The following C8orf34 variants were observed in gnomAD, a reference collection of about 807,000 sequenced individuals.
C8orf34 encodes the protein uncharacterized protein C8orf34.
Under a neutral mutation model 68.3 loss-of-function variants are expected in C8orf34, and 65 were observed. That is an observed-to-expected ratio of 0.95 (90% CI 0.78 to 1.17). The LOEUF (loss-of-function observed/expected upper bound fraction) is 1.17, where lower values mean the gene tolerates loss of function less well. Ranked by LOEUF, C8orf34 falls within the 50% of genes most tolerant of loss-of-function variation. The pLI is 0.00. For missense variants in C8orf34, 664 were observed against 655.4 expected (o/e 1.01, Z -0.14); for synonymous variants, 244 against 241.2 (o/e 1.01, Z -0.11).
intron 8 of C8orf34, among the ~76,000 whole-genome samples, chr8:68,687,556 C>A (rs948404150): frequency 6.6e-6 from 1 of 151,898 alleles, no homozygotes; most frequent in Non-Finnish European, 1.5e-5. Flanking sequence ...AACTGGCAAG[C>A]CACGTGTAGA....
chr8:68,489,588 TGACTG>T (rs1772676829), intron 5 of C8orf34, among the ~76,000 whole-genome samples: 1 of 152,194 alleles, frequency 6.6e-6, no homozygotes, highest in South Asian at 2.1e-4. Flanking sequence ...AACAAAGTCT[TGACTG>T]GATTTTGACT....
At chr8:68,740,286 G>A (rs1282039682) in intron 10 of C8orf34, among the ~76,000 whole-genome samples, 1 of 152,132 alleles carries the variant, frequency 6.6e-6, no homozygotes, top group African/African-American at 2.4e-5. Context: ...CTTCTGCATA[G>A]CAAAAGAAAC....
At chr8:68,376,623 A>T (rs762118077) in intron 1 of C8orf34, among the ~76,000 whole-genome samples, 12 of 147,934 alleles carry the variant, frequency 8.1e-5, no homozygotes, top group Admixed American at 2.0e-4. Context: ...TTTTTTTTTT[A>T]AATCATTTTA....
intron 5 of C8orf34, among the ~76,000 whole-genome samples, chr8:68,506,633 G>A (rs961961817): frequency 2.6e-5 from 4 of 152,102 alleles, no homozygotes; most frequent in Non-Finnish European, 5.9e-5. Flanking sequence ...TAGTATACAT[G>A]TCTCAATTAT....
At chr8:68,499,953 G>T (rs1474538202) in intron 5 of C8orf34, among the ~76,000 whole-genome samples, 2 of 152,092 alleles carry the variant, frequency 1.3e-5, no homozygotes, top group African/African-American at 4.8e-5. Flanking sequence ...GTTAGTTCTT[G>T]TTCAGTTAGT....
chr8:68,614,789 C>T (rs1470557471), intron 7 of C8orf34, among the ~76,000 whole-genome samples: 1 of 150,582 alleles, frequency 6.6e-6, no homozygotes, highest in South Asian at 2.1e-4. Flanking sequence ...TTTGGTTCCA[C>T]ATGAACTTTA....
At chr8:68,479,483 T>C (rs1812768286) in intron 4 of C8orf34, among the ~76,000 whole-genome samples, 1 of 151,792 alleles carries the variant, frequency 6.6e-6, no homozygotes, top group Admixed American at 6.6e-5. Context: ...AATTAATGGT[T>C]TTTAGGGTAT....
At chr8:68,749,832 C>T (rs1266676459) in intron 10 of C8orf34, among the ~76,000 whole-genome samples, 1 of 152,178 alleles carries the variant, frequency 6.6e-6, no homozygotes, top group Non-Finnish European at 1.5e-5. Context: ...AATACTAGTA[C>T]TCCCTGTTTG....
At chr8:68,631,809 A>C (rs1345296732) in intron 7 of C8orf34, among the ~76,000 whole-genome samples, 1 of 152,246 alleles carries the variant, frequency 6.6e-6, no homozygotes, top group South Asian at 2.1e-4. Context: ...CCACTATGTA[A>C]GAAGTGTCTT....
chr8:68,409,136 A>G (rs1426755146), intron 1 of C8orf34, among the ~76,000 whole-genome samples: 2 of 152,268 alleles, frequency 1.3e-5, no homozygotes, highest in African/African-American at 4.8e-5. Flanking sequence ...TGTACGGTGC[A>G]TAATACTTGA....
intron 10 of C8orf34, among the ~76,000 whole-genome samples, chr8:68,751,634 G>A (rs1259814379): frequency 6.6e-6 from 1 of 151,948 alleles, no homozygotes; most frequent in Non-Finnish European, 1.5e-5. Context: ...CTGTGGGTTA[G>A]GATTTATTTG....
At position 68,619,573 on chromosome 8, in the gene C8orf34, A is replaced by G. The variant is rs530940505; in HGVS notation, c.1106-20803A>G. 2.0e-5 allele frequency among the ~76,000 whole-genome samples: 3 copies of G among 152,312 alleles called. 1 individual carries two copies. Among genetic ancestry groups the G allele is most frequent in the African/African-American group, 7.2e-5 (3 of 41,574 alleles). On this transcript the variant is annotated intron_variant, in intron 7 of 13. Transcript: ENST00000518698. ...TGTTTCTCTGCTGATTTTGACCACA[A>G]TGAAGCTATCACCTCCAGGAAGAAA...
chr8:68,790,962 T>G (rs1270422457), intron 12 of C8orf34: 1 of 628,654 alleles, frequency 1.6e-6, no homozygotes, highest in Non-Finnish European at 2.8e-6. Context: ...CTTCATAGTA[T>G]TGTTAAACTT....
At chr8:68,420,995 T>C (rs972187999) in intron 1 of C8orf34, among the ~76,000 whole-genome samples, 1 of 152,096 alleles carries the variant, frequency 6.6e-6, no homozygotes, top group African/African-American at 2.4e-5. Flanking sequence ...AGAATAATGA[T>C]TTGAAGAGAT....
At chr8:68,507,447 G>T (rs1268436503) in intron 5 of C8orf34, among the ~76,000 whole-genome samples, 1 of 152,132 alleles carries the variant, frequency 6.6e-6, no homozygotes, top group African/African-American at 2.4e-5. Flanking sequence ...ACAAACCACT[G>T]GCTCATAGAA....
intron 7 of C8orf34, among the ~76,000 whole-genome samples, chr8:68,599,937 A>G (rs971651728): frequency 2.0e-5 from 3 of 152,200 alleles, no homozygotes; most frequent in African/African-American, 7.2e-5. Flanking sequence ...AGAAAACTTT[A>G]TAATTGAAAC....
At chr8:68,764,949 C>G (rs986513217) in intron 10 of C8orf34, among the ~76,000 whole-genome samples, 5 of 152,130 alleles carry the variant, frequency 3.3e-5, no homozygotes, top group Admixed American at 6.5e-5. Context: ...ATGAAAGTAA[C>G]ACAAAAATAA....
rs1367867612 is a variant in C8orf34, at chr8:68,709,897, G to A, written c.1327+818G>A. Among the ~76,000 whole-genome samples, 5 of 152,096 alleles carry A rather than the reference G, an allele frequency of 3.3e-5. No homozygotes were observed. The East Asian group carries it at 7.7e-4, about 23-fold the overall frequency. ...AGGTACATCACGTCTTCATCAGTCA[G>A]CATAATAGCAAAACACAGTCCATAC... On this transcript the variant is annotated intron_variant, in intron 9 of 13. Transcript: ENST00000518698.
intron 10 of C8orf34, among the ~76,000 whole-genome samples, chr8:68,739,597 A>C (rs185923157): frequency 8.5e-5 from 13 of 152,324 alleles, no homozygotes. Context: ...GAGATGACAC[A>C]AACAAATGAA....
Sources: allele counts gnomAD v4.1 joint callset (sites outside exome capture counted in the v4.1 genomes callset), GRCh38; gene constraint gnomAD v4.1.1; transcripts MANE v1.5; gene names NCBI Gene and HGNC (gene_info 2026-07-23, HGNC 2026-07-21).